HEATR5B: variants seen among roughly 807,000 people sequenced by gnomAD.
HEATR5B encodes HEAT repeat containing 5B, also known as HEAT repeat-containing protein 5B.
A neutral mutation model predicts 224.1 loss-of-function variants in HEATR5B; 156 were observed. The ratio of observed to expected loss-of-function variants is 0.70; its 90% CI spans 0.61 to 0.80. The LOEUF (loss-of-function observed/expected upper bound fraction) is 0.80. Among genes scored for constraint, HEATR5B ranks in the 30% least tolerant of loss-of-function variants. The pLI, the probability that HEATR5B is intolerant of heterozygous loss-of-function variation, is 0.00. For missense variants in HEATR5B, 2,323 were observed against 2,535.5 expected (o/e 0.92, Z 1.80); for synonymous variants, 1,027 against 893.0 (o/e 1.15, Z -2.68).
At chr2:37,014,867 C>G (rs2148419412) in intron 26 of HEATR5B, among the ~76,000 whole-genome samples, 1 of 152,006 alleles carries the variant, frequency 6.6e-6, no homozygotes, top group Non-Finnish European at 1.5e-5. Context: ...TCTGTAATCC[C>G]AGCTGCTCGG....
intron 29 of HEATR5B, among the ~76,000 whole-genome samples, 196 bp from the exon 30 acceptor site, chr2:37,005,955 A>T (rs1667388937): frequency 6.6e-6 from 1 of 152,230 alleles, no homozygotes; most frequent in African/African-American, 2.4e-5. Flanking sequence ...CAATTAGGTT[A>T]ATATTCAAAT....
intron 33 of HEATR5B, among the ~76,000 whole-genome samples, chr2:36,997,440 C>T (rs1293945183): frequency 6.6e-6 from 1 of 152,184 alleles, no homozygotes; most frequent in Non-Finnish European, 1.5e-5. Flanking sequence ...CTACCTGTCT[C>T]AGCCTCCCAA....
chr2:37,063,917 T>C (rs1039543913), intron 10 of HEATR5B, among the ~76,000 whole-genome samples: 4 of 152,182 alleles, frequency 2.6e-5, no homozygotes, highest in African/African-American at 9.7e-5. Context: ...GTTCAAGTGA[T>C]TCTCCTGCCT....
In HEATR5B at chr2:37,062,070, TTG is replaced by T; in HGVS notation, c.1585-22_1585-21del. 7.2e-7 allele frequency: 1 copy of T among 1,392,372 alleles called. No individual in the cohort carries two copies. The highest frequency in any genetic ancestry group is 1.0e-6 in the Non-Finnish European group (1 of 979,110). 86.3% of individuals were successfully genotyped at this position (1,392,372 alleles called of 1,614,324 possible). On this transcript the variant is annotated intron_variant, in intron 10 of 35. Coordinates refer to ENST00000233099, the MANE Select transcript of HEATR5B (RefSeq NM_019024.3). ...TACCATCTGCAAGAAAAGTTTAGAA[TTG>T]GATTTTAATTCAAACAAGTTAAATT...
At chr2:36,997,761 T>C (rs964023077) in intron 33 of HEATR5B, among the ~76,000 whole-genome samples, 1 of 151,772 alleles carries the variant, frequency 6.6e-6, no homozygotes, top group Non-Finnish European at 1.5e-5. Context: ...AGAGACGGGG[T>C]TTCCCTGTGT....
intron 34 of HEATR5B, among the ~76,000 whole-genome samples, chr2:36,989,492 A>G (rs1422278386): frequency 6.6e-6 from 1 of 152,204 alleles, no homozygotes; most frequent in Non-Finnish European, 1.5e-5. Flanking sequence ...AACCAAATAT[A>G]TTTACTAAGG....
intron 8 of HEATR5B, among the ~76,000 whole-genome samples, chr2:37,067,108 A>G (rs1671635265): frequency 6.6e-6 from 1 of 152,140 alleles, no homozygotes; most frequent in African/African-American, 2.4e-5. Flanking sequence ...TCCTGGCCTC[A>G]AGTGATCCAC....
chr2:37,013,485 G>C (rs1397758668), intron 27 of HEATR5B, among the ~76,000 whole-genome samples: 1 of 152,186 alleles, frequency 6.6e-6, no homozygotes. Context: ...AGAAGTTCAA[G>C]TCCAGGCTGG....
chr2:37,080,098 T>C (rs1290573106), intron 2 of HEATR5B, among the ~76,000 whole-genome samples: 1 of 152,136 alleles, frequency 6.6e-6, no homozygotes, highest in Non-Finnish European at 1.5e-5. Context: ...GGCCTTGAGG[T>C]TGGAGCATTC....
At chr2:37,063,788 GA>G (rs1351699885) in intron 10 of HEATR5B, among the ~76,000 whole-genome samples, 1 of 151,616 alleles carries the variant, frequency 6.6e-6, no homozygotes, top group Admixed American at 6.6e-5. Context: ...AAAGAAAGGA[GA>G]AAAAAAAGCT....
In HEATR5B at chr2:37,076,932, C is replaced by T. The variant is rs780797823; in HGVS notation, c.426G>A (p.Leu142=). The T allele has an allele frequency of 3.7e-6, 6 of 1,613,462 alleles. No individual in the cohort carries two copies. The highest frequency in any genetic ancestry group is 4.2e-6 in the Non-Finnish European group (5 of 1,179,458). ...TTACCTCTGCACTTTTCAGAGATTT[C>T]AATAGATTATTTACCGTTTCTGGAA... The part of the protein sequence containing the change: ...SAFPETVNNL[L]KSLKSAESQG... The change falls in exon 4 of 36, where the codon TTG becomes TTA. Residue 142 remains leucine (L), a synonymous_variant. Transcript: ENST00000233099.
At chr2:36,982,218 T>C (rs918981218) in intron 35 of HEATR5B, among the ~76,000 whole-genome samples, 7 of 152,174 alleles carry the variant, frequency 4.6e-5, no homozygotes, top group Non-Finnish European at 2.9e-5. Flanking sequence ...TCTTTCCTCT[T>C]TAAGTAGAAA....
At chr2:37,008,533 GCTAGTCTATACCGTCT>G (rs1326473218) in intron 28 of HEATR5B, 62 bp downstream of exon 28, 2 of 967,466 alleles carry the variant, frequency 2.1e-6, no homozygotes, top group South Asian at 2.6e-5. Flanking sequence ...AACTGTTGTT[GCTAGTCTATACCGTCT>G]CTATTTTGTT....
Position 37,084,305 on chromosome 2 carries a change from G to T in HEATR5B, c.-59C>A. Reference sequence around the variant, plus strand: ...GAAGGGAAGATCAGCTGAGCTCCGGGGGTAGAAGCAGCCACCAAGAGACCC... The same window carrying T: ...GAAGGGAAGATCAGCTGAGCTCCGGTGGTAGAAGCAGCCACCAAGAGACCC... On this transcript the variant is annotated 5_prime_UTR_variant, in exon 1 of 36. Coordinates refer to ENST00000233099, the MANE Select transcript of HEATR5B (RefSeq NM_019024.3). 4 of 397,918 alleles carry T rather than the reference G, an allele frequency of 1.0e-5. No homozygotes were observed. The highest frequency in any genetic ancestry group is 4.1e-5 in the African/African-American group (2 of 48,728). The allele number at this position is 397,918 out of a possible 1,614,324, so 24.6% of individuals were successfully genotyped here.
At chr2:36,997,668 G>T (rs776854771) in intron 33 of HEATR5B, among the ~76,000 whole-genome samples, 3 of 147,000 alleles carry the variant, frequency 2.0e-5, no homozygotes, top group Non-Finnish European at 4.4e-5. Flanking sequence ...CCAGGTTCAT[G>T]CCGTTCTCCT....
Position 36,981,158 on chromosome 2 carries a change from CCTGA to C in HEATR5B, c.*328_*331del. On this transcript the variant is annotated 3_prime_UTR_variant, in exon 36 of 36. Coordinates refer to ENST00000233099, the MANE Select transcript of HEATR5B (RefSeq NM_019024.3). ...GCTGAGTTCTGACCCATTTTTTTCC[CCTGA>C]CAGTATCAATAGGCTGCCCGACTAC... The C allele has an allele frequency of 5.4e-6, 1 of 186,186 alleles. No individual in the cohort carries two copies. 11.5% of individuals were successfully genotyped at this position (186,186 alleles called of 1,614,324 possible). A position where few individuals can be genotyped will look rare whatever the true frequency, so the allele number is the denominator to read the frequency against.
intron 18 of HEATR5B, among the ~76,000 whole-genome samples, chr2:37,048,164 C>T (rs74735422): frequency 0.043 from 6,504 of 151,622 alleles, 491 homozygotes; most frequent in African/African-American, 0.15. Flanking sequence ...AAATACAGTA[C>T]CCTACAGATA....
intron 17 of HEATR5B, among the ~76,000 whole-genome samples, chr2:37,050,756 T>TGAGGC (rs1391339166): frequency 6.6e-6 from 1 of 152,054 alleles, no homozygotes; most frequent in African/African-American, 2.4e-5. Context: ...AAAAACAAAA[T>TGAGGC]GAGGCGAGGC....
intron 18 of HEATR5B, among the ~76,000 whole-genome samples, chr2:37,046,856 C>A (rs934014538): frequency 2.0e-5 from 3 of 151,116 alleles, no homozygotes; most frequent in Non-Finnish European, 4.4e-5. Context: ...TCGAGACTAC[C>A]CTGGCCAACA....
Sources: gnomAD v4.1 joint callset for allele counts (sites outside exome capture counted in the v4.1 genomes callset) on GRCh38, gnomAD v4.1.1 for gene constraint, MANE v1.5 for transcripts, NCBI Gene and HGNC (gene_info 2026-07-23, HGNC 2026-07-21) for gene names.